The following WWOX variants were observed in gnomAD, a reference collection of about 807,000 sequenced individuals.
The protein encoded by WWOX is WW domain containing oxidoreductase, also known as WW domain-containing oxidoreductase.
WWOX carries 69 observed loss-of-function variants against 46.2 expected under a neutral mutation model. The ratio of observed to expected loss-of-function variants is 1.49; its 90% CI spans 1.23 to 1.82. The LOEUF is 1.82. Ranked by LOEUF, WWOX falls within the 40% of genes most tolerant of loss-of-function variation. The pLI, the probability that WWOX is intolerant of heterozygous loss-of-function variation, is 0.00. For synonymous variants in WWOX, 359 were observed against 202.6 expected (o/e 1.77, Z -6.56); for missense variants, 919 against 542.6 (o/e 1.69, Z -6.89).
chr16:78,842,223 G>T (rs924509722), intron 8 of WWOX, among the ~76,000 whole-genome samples: 1 of 151,932 alleles, frequency 6.6e-6, no homozygotes, highest in Admixed American at 6.6e-5. Context: ...GTTGGGTGCA[G>T]TGGCTCTCTC....
At chr16:79,146,218 A>G (rs537029769) in intron 8 of WWOX, among the ~76,000 whole-genome samples, 1 of 152,346 alleles carries the variant, frequency 6.6e-6, no homozygotes, top group African/African-American at 2.4e-5. Context: ...AATGCAGAGG[A>G]GAAAACAAAA....
chr16:79,121,784 C>A (rs1057178842), intron 8 of WWOX, among the ~76,000 whole-genome samples: 2 of 152,098 alleles, frequency 1.3e-5, no homozygotes, highest in Non-Finnish European at 2.9e-5. Context: ...AGATAAGGTC[C>A]ATTACTCTTT....
chr16:78,936,589 G>A (rs894979312), intron 8 of WWOX, among the ~76,000 whole-genome samples: 1 of 152,094 alleles, frequency 6.6e-6, no homozygotes, highest in African/African-American at 2.4e-5. Flanking sequence ...CAAATTTCTG[G>A]CTGGTACACC....
intron 8 of WWOX, among the ~76,000 whole-genome samples, chr16:79,005,185 A>C (rs2134997): frequency 0.99 from 151,305 of 152,154 alleles, 75,233 homozygotes; most frequent in East Asian, 1. Context: ...TGCAGGCCTG[A>C]TGTTTGCCTG....
rs537750845 is a variant in WWOX, at chr16:78,742,354, G to A, written c.1056+309602G>A. ...TCTGGTGAAGGGCAGCAGCAGGACA[G>A]AGCCCCACTTCTAGCTCTGGCTCAG... On this transcript the variant is annotated intron_variant, in intron 8 of 8. Coordinates refer to ENST00000566780, the MANE Select transcript of WWOX (RefSeq NM_016373.4). Among the ~76,000 whole-genome samples, 258 of 152,314 alleles carry A rather than the reference G, an allele frequency of 1.7e-3. 1 individual carries two copies. The highest frequency in any genetic ancestry group is 3.0e-3 in the Non-Finnish European group (201 of 68,030).
intron 8 of WWOX, among the ~76,000 whole-genome samples, chr16:78,718,424 C>G (rs2048618218): frequency 6.6e-6 from 1 of 151,958 alleles, no homozygotes; most frequent in Non-Finnish European, 1.5e-5. Context: ...TGTTTTTTTG[C>G]TCACTTGAGT....
chr16:78,977,485 C>T lies in WWOX; in HGVS notation c.1057-234123C>T, dbSNP rs1411174615. 3.9e-5 allele frequency among the ~76,000 whole-genome samples: 6 copies of T among 152,190 alleles called. No homozygotes were observed. In the South Asian group the frequency reaches 6.2e-4, roughly 16 times the overall value. ...ATGAGCTCAGTAGGCCTGTCCTTTA[C>T]TTTATTTTCCCTATTAGAATCCCAC... On this transcript the variant is annotated intron_variant, in intron 8 of 8. Coordinates refer to ENST00000566780, the MANE Select transcript of WWOX (RefSeq NM_016373.4).
chr16:78,620,692 G>GTT (rs35512212), intron 8 of WWOX, among the ~76,000 whole-genome samples: 39 of 151,338 alleles, frequency 2.6e-4, no homozygotes, highest in East Asian at 1.2e-3. Context: ...AGGAAATATG[G>GTT]TTTTTTTTTC....
chr16:78,597,439 T>C lies in WWOX; in HGVS notation c.1056+164687T>C, dbSNP rs565694707. Among the ~76,000 whole-genome samples the C allele has an allele frequency of 2.0e-5, 3 of 152,342 alleles. No homozygotes were observed. The East Asian group carries it at 5.8e-4, about 29-fold the overall frequency. On this transcript the variant is annotated intron_variant, in intron 8 of 8. Transcript: ENST00000566780. ...AGTGCCCGCATCAGTGGGCGTTTTA[T>C]GTTGCACCATTTTCTGAGCAATGTC... is the stretch of plus-strand genomic sequence containing the variant.
chr16:78,930,418 C>T (rs921163098), intron 8 of WWOX, among the ~76,000 whole-genome samples: 4 of 150,152 alleles, frequency 2.7e-5, no homozygotes, highest in South Asian at 2.1e-4. Flanking sequence ...GCTGGGACTA[C>T]AGGTGTGCAC....
chr16:78,201,892 G>T (rs888641981), intron 5 of WWOX, among the ~76,000 whole-genome samples: 8 of 151,816 alleles, frequency 5.3e-5, no homozygotes, highest in Non-Finnish European at 1.0e-4. Context: ...GTAGAGACGG[G>T]ATTTTGCTAT....
intron 8 of WWOX, among the ~76,000 whole-genome samples, chr16:78,540,191 G>T (rs866147935): frequency 6.6e-6 from 1 of 151,350 alleles, no homozygotes; most frequent in African/African-American, 2.4e-5. Flanking sequence ...AAGCAAAATG[G>T]TAACAATAGA....
intron 5 of WWOX, among the ~76,000 whole-genome samples, chr16:78,334,821 C>G (rs62034404): frequency 0.23 from 27,844 of 119,580 alleles, 3,076 homozygotes; most frequent in East Asian, 0.45. Flanking sequence ...CACACACACA[C>G]ACACACACAC....
chr16:78,718,965 A>G lies in WWOX; in HGVS notation c.1056+286213A>G, dbSNP rs77168306. On this transcript the variant is annotated intron_variant, in intron 8 of 8. Coordinates refer to ENST00000566780, the MANE Select transcript of WWOX (RefSeq NM_016373.4). ...TTGAAATAATCTGCACTAACCACTC[A>G]TTCACATTTTTTTGAGTCTGTAAGA... Among the ~76,000 whole-genome samples the G allele has an allele frequency of 4.9e-3, 737 of 150,838 alleles. 37 individuals carry two copies. The East Asian group carries it at 0.12, about 25-fold the overall frequency.
At chr16:78,493,486 A>G (rs2084836983) in intron 8 of WWOX, among the ~76,000 whole-genome samples, 1 of 152,220 alleles carries the variant, frequency 6.6e-6, no homozygotes, top group South Asian at 2.1e-4. Context: ...ATTTTCTTTA[A>G]CAGCACAGAA....
rs1265868420 is a variant in WWOX, at chr16:78,422,700, C to CACACAT, written c.606-2169_606-2168insCACATA. ...ATATATATATACACACACACACACA[C>CACACAT]ATATATATATACACACACACATATA... On this transcript the variant is annotated intron_variant, in intron 6 of 8. Coordinates refer to ENST00000566780, the MANE Select transcript of WWOX (RefSeq NM_016373.4). Among the ~76,000 whole-genome samples, 5 of 40,404 alleles carry CACACAT rather than the reference C, an allele frequency of 1.2e-4. 1 individual carries two copies. Among genetic ancestry groups the CACACAT allele is most frequent in the African/African-American group, 3.5e-4 (5 of 14,368 alleles). 26.5% of individuals were successfully genotyped at this position (40,404 alleles called of 152,430 possible).
At chr16:79,011,320 C>G (rs1309065790) in intron 8 of WWOX, among the ~76,000 whole-genome samples, 1 of 151,814 alleles carries the variant, frequency 6.6e-6, no homozygotes, top group Non-Finnish European at 1.5e-5. Context: ...GTAGTATTAT[C>G]TAATATGCCC....
chr16:78,766,503 G>A (rs146067979), intron 8 of WWOX, among the ~76,000 whole-genome samples: 14 of 152,292 alleles, frequency 9.2e-5, no homozygotes, highest in African/African-American at 3.1e-4. Context: ...CAGGAGGGCT[G>A]CTTGAGCTCA....
intron 8 of WWOX, among the ~76,000 whole-genome samples, chr16:78,939,451 G>C (rs1055076459): frequency 6.6e-6 from 1 of 152,170 alleles, no homozygotes; most frequent in African/African-American, 2.4e-5. Context: ...TGGCAAATAT[G>C]TATCCTTTAA....
Sources: gnomAD v4.1 joint callset for allele counts (sites outside exome capture counted in the v4.1 genomes callset) on GRCh38, gnomAD v4.1.1 for gene constraint, MANE v1.5 for transcripts, NCBI Gene and HGNC (gene_info 2026-07-23, HGNC 2026-07-21) for gene names.